ABCG1: variants seen among roughly 807,000 people sequenced by gnomAD.
The protein encoded by ABCG1 is ATP-binding cassette sub-family G member 1.
Under a neutral mutation model 69.2 loss-of-function variants are expected in ABCG1, and 29 were observed. That is an observed-to-expected ratio of 0.42 (90% CI 0.31 to 0.57). The LOEUF (loss-of-function observed/expected upper bound fraction) is 0.57. Ranked by LOEUF, ABCG1 falls within the 20% of genes least tolerant of loss-of-function variation. The pLI is 0.15. For synonymous variants in ABCG1, 370 were observed against 374.8 expected, an observed-to-expected ratio of 0.99 and a Z score of 0.15; for missense variants, 718 against 898.1, an observed-to-expected ratio of 0.80 and a Z score of 2.56.
intron 2 of ABCG1, among the ~76,000 whole-genome samples, chr21:42,263,793 G>A (rs762768680): frequency 1.3e-5 from 2 of 152,222 alleles, no homozygotes; most frequent in Non-Finnish European, 2.9e-5. Context: ...AGTGGCCTCT[G>A]GGCATTGCCT....
rs1601426036 is a variant in ABCG1 at position 42,273,668 on chromosome 21, G to A, written c.537+233G>A. Among the ~76,000 whole-genome samples the A allele has an allele frequency of 6.6e-6, 1 of 152,166 alleles. No individual in the cohort carries two copies. Among genetic ancestry groups the A allele is most frequent in the South Asian group, 2.1e-4 (1 of 4,820 alleles). ...CTGTGAGTTTAATGGACCTTGTTTG[G>A]CAGGGTTGGGGTCAAGTTTCTGAGA... On this transcript the variant is annotated intron_variant, in intron 4 of 14. Coordinates refer to ENST00000398449, the MANE Select transcript of ABCG1 (RefSeq NM_016818.3). The surrounding 1 kb of genome is among the most constrained non-coding windows in gnomAD (Gnocchi z 5.3).
Position 42,243,473 on chromosome 21 carries a change from T to TGTGTGTGTGTGTGTGC in ABCG1, c.286+17574_286+17575insCGTGTGTGTGTGTGTG, listed in dbSNP as rs1569215775. 6.0e-5 allele frequency among the ~76,000 whole-genome samples: 9 copies of TGTGTGTGTGTGTGTGC among 150,856 alleles called. No individual in the cohort carries two copies. The South Asian group carries it at 1.7e-3, about 28-fold the overall frequency. On this transcript the variant is annotated intron_variant, in intron 2 of 14. Transcript: ENST00000398449. ...GTGTGTGTGTGTGTGTGTGTGTGTGTGTGTGTGTGTGTGTGTGCGCTGGTT... is the reference window on the plus strand; with the variant it reads ...GTGTGTGTGTGTGTGTGTGTGTGTGTGTGTGTGTGTGTGTGCGTGTGTGTGTGTGTGTGCGCTGGTT...
At chr21:42,200,664 C>T (rs982539663) in intron 1 of ABCG1, among the ~76,000 whole-genome samples, 2 of 150,570 alleles carry the variant, frequency 1.3e-5, no homozygotes, top group Admixed American at 6.6e-5. Flanking sequence ...TCTCGGCTCA[C>T]TGCACCCTCT....
At chr21:42,256,469 T>TACA in intron 2 of ABCG1, 1 of 1,549,922 alleles carries the variant, frequency 6.5e-7, no homozygotes, top group East Asian at 2.4e-5. Context: ...ACACCCTGGC[T>TACA]GGGTGTACTG....
At chr21:42,254,872 G>T (rs7281345) in intron 2 of ABCG1, among the ~76,000 whole-genome samples, 2 of 152,082 alleles carry the variant, frequency 1.3e-5, no homozygotes, top group Non-Finnish European at 2.9e-5. Flanking sequence ...GGAGTGTAGC[G>T]CAGCTGGGCT....
intron 2 of ABCG1, among the ~76,000 whole-genome samples, chr21:42,262,838 C>A (rs935481926): frequency 6.6e-6 from 1 of 152,228 alleles, no homozygotes; most frequent in Non-Finnish European, 1.5e-5. Flanking sequence ...ACAGTAGTCG[C>A]TTGCTGTGAG....
In ABCG1 at chr21:42,276,609, A is replaced by AGCGGCACC; in HGVS notation, c.538-285_538-284insCGGCACCG. ...ATGATCAGCTAGCTGCACGGTGGCTAGTGGCACCGTGGCTAGCTGCATGGT... is the reference window on the plus strand; with the variant it reads ...ATGATCAGCTAGCTGCACGGTGGCTAGCGGCACCGTGGCACCGTGGCTAGCTGCATGGT... On this transcript the variant is annotated intron_variant, in intron 4 of 14. Coordinates refer to ENST00000398449, the MANE Select transcript of ABCG1 (RefSeq NM_016818.3). This position sits in a 1 kb window ranked among gnomAD's most constrained non-coding sequence, Gnocchi z 5.3. 1 of 413,312 alleles carries AGCGGCACC rather than the reference A, an allele frequency of 2.4e-6. No individual in the cohort carries two copies. The highest frequency in any genetic ancestry group is 4.4e-6 in the Non-Finnish European group (1 of 228,244). The allele number at this position is 413,312 out of a possible 1,614,324, so 25.6% of individuals were successfully genotyped here.
At position 42,296,529 on chromosome 21, in the gene ABCG1, G is replaced by T; in HGVS notation, c.*137G>T. 1 of 752,998 alleles carries T rather than the reference G, an allele frequency of 1.3e-6. No individual in the cohort carries two copies. The highest frequency in any genetic ancestry group is 2.2e-6 in the Non-Finnish European group (1 of 454,638). 46.6% of individuals were successfully genotyped at this position (752,998 alleles called of 1,614,324 possible). A position where few individuals can be genotyped will look rare whatever the true frequency, so the allele number is the denominator to read the frequency against. On this transcript the variant is annotated 3_prime_UTR_variant, in exon 15 of 15. Transcript: ENST00000398449. This position sits in a 1 kb window ranked among gnomAD's most constrained non-coding sequence, Gnocchi z 5.4. The stretch of plus-strand genomic sequence containing the variant: ...ACCCCTAGAACCGCGTTGGGTTTGT[G>T]GGTGTCTCGTGCTCAGCCACTCTGC...
intron 2 of ABCG1, among the ~76,000 whole-genome samples, chr21:42,228,356 G>A (rs1237124579): frequency 1.3e-5 from 2 of 152,138 alleles, no homozygotes; most frequent in Non-Finnish European, 2.9e-5. Context: ...GGGGCCAAGG[G>A]TAGTTTTGCT....
At chr21:42,271,895 AAACAACAAC>A (rs531836839) in intron 3 of ABCG1, among the ~76,000 whole-genome samples, 1 of 152,190 alleles carries the variant, frequency 6.6e-6, no homozygotes, top group African/African-American at 2.4e-5. Context: ...AAAAACACAC[AAACAACAAC>A]AACAACAAAG....
intron 2 of ABCG1, among the ~76,000 whole-genome samples, chr21:42,268,362 G>GT (rs1555957895): frequency 2.0e-4 from 30 of 147,604 alleles, no homozygotes; most frequent in Non-Finnish European, 4.5e-4. Flanking sequence ...TAGAGGTAGG[G>GT]GTGTGTGTGT....
At chr21:42,284,794 A>G in intron 7 of ABCG1, 111 bp downstream of exon 7, 1 of 1,426,622 alleles carries the variant, frequency 7.0e-7, no homozygotes, top group South Asian at 1.3e-5. Context: ...GGGCGTCTTC[A>G]TGACACCAAA....
intron 2 of ABCG1, among the ~76,000 whole-genome samples, chr21:42,246,550 C>T (rs2123625128): frequency 6.6e-6 from 1 of 152,216 alleles, no homozygotes; most frequent in African/African-American, 2.4e-5. Flanking sequence ...CATCATTTTT[C>T]CTTTCAGAAA....
At chr21:42,212,076 C>A (rs1398221894), upstream of ABCG1, among the ~76,000 whole-genome samples, 1 of 152,156 alleles carries the variant, frequency 6.6e-6, no homozygotes, top group Non-Finnish European at 1.5e-5. Flanking sequence ...AGGAACAGGC[C>A]TCCAGACACT....
intron 2 of ABCG1, among the ~76,000 whole-genome samples, chr21:42,257,004 T>C (rs2068316904): frequency 6.6e-6 from 1 of 152,282 alleles, no homozygotes; most frequent in Admixed American, 6.5e-5. Flanking sequence ...CCAGTGTTTA[T>C]TAACCATTTT....
Position 42,225,741 on chromosome 21 carries a change from C to T in ABCG1, c.113C>T (p.Ser38Phe). 1 of 1,610,314 alleles carries T rather than the reference C, an allele frequency of 6.2e-7. No homozygotes were observed. The highest frequency in any genetic ancestry group is 8.5e-7 in the Non-Finnish European group (1 of 1,178,510). ...SVCVSVDEVV[S>F]SNMEATETDL... ...TGTGTCTCGGTGGATGAGGTGGTGT[C>T]CAGCAACATGGAGGCCACTGAGACG... Residue 38 changes from serine to phenylalanine, a missense_variant, in exon 2 of 15, where the codon TCC (serine) becomes TTC (phenylalanine). Around this residue, in one of 2 missense-constraint regions of ABCG1, gnomAD observed 514 missense variants for 574.3 expected, o/e 0.90. Coordinates refer to ENST00000398449, the MANE Select transcript of ABCG1 (RefSeq NM_016818.3).
intron 2 of ABCG1, among the ~76,000 whole-genome samples, chr21:42,270,259 C>CAAAAA (rs4006345): frequency 0.04 from 3,491 of 86,990 alleles, 341 homozygotes; most frequent in African/African-American, 0.14. Flanking sequence ...GACTCAGTCT[C>CAAAAA]AAAAAAAAAA....
chr21:42,201,534 T>C (rs1266807097), intron 1 of ABCG1: 2 of 1,344,182 alleles, frequency 1.5e-6, no homozygotes, highest in African/African-American at 2.9e-5. Flanking sequence ...TGAGTTAATC[T>C]GAGTGAGCTT....
At chr21:42,264,123 C>T (rs2068460585) in intron 2 of ABCG1, among the ~76,000 whole-genome samples, 1 of 152,158 alleles carries the variant, frequency 6.6e-6, no homozygotes, top group Non-Finnish European at 1.5e-5. Context: ...ATGCCCTGCT[C>T]ATCTGGGGTG....
Sources: gnomAD v4.1 joint callset for allele counts (sites outside exome capture counted in the v4.1 genomes callset) on GRCh38, gnomAD v4.1.1 for gene constraint, gnomAD v4.1.1 regional missense constraint, Gnocchi (gnomAD v3.1) non-coding constraint, MANE v1.5 for transcripts, NCBI Gene and HGNC (gene_info 2026-07-23, HGNC 2026-07-21) for gene names.